The following ADGRV1 variants were observed in gnomAD, a reference collection of about 807,000 sequenced individuals.
The protein encoded by ADGRV1 is adhesion G protein-coupled receptor V1, also known as G-protein coupled receptor 98.
Under a neutral mutation model 596.2 loss-of-function variants are expected in ADGRV1, and 359 were observed. That is an observed-to-expected ratio of 0.60 (90% CI 0.55 to 0.66). The LOEUF (loss-of-function observed/expected upper bound fraction) is 0.66, where lower values mean the gene tolerates loss of function less well. ADGRV1 is among the 30% of genes least tolerant of loss of function. The pLI, the probability that ADGRV1 is intolerant of heterozygous loss-of-function variation, is 0.00. For synonymous variants in ADGRV1, 2,681 were observed against 2,679.2 expected, an observed-to-expected ratio of 1.00 and a Z score of -0.02; for missense variants, 7,274 against 7,575.6, an observed-to-expected ratio of 0.96 and a Z score of 1.48.
intron 85 of ADGRV1, among the ~76,000 whole-genome samples, chr5:91,032,831 T>A: frequency 6.6e-6 from 1 of 152,212 alleles, no homozygotes; most frequent in South Asian, 2.1e-4. Flanking sequence ...TGAGCCTTTT[T>A]AAATCTCTAT....
intron 83 of ADGRV1, among the ~76,000 whole-genome samples, chr5:90,918,850 A>G (rs1773617997): frequency 6.6e-6 from 1 of 152,210 alleles, no homozygotes; most frequent in Non-Finnish European, 1.5e-5. Context: ...TACACCAGCC[A>G]TAGGGGTCTT....
rs542157064 is a variant in ADGRV1 at position 90,885,268 on chromosome 5, G to A, written c.17856+21411G>A. Among the ~76,000 whole-genome samples the A allele has an allele frequency of 1.3e-4, 20 of 152,268 alleles. No homozygotes were observed. The South Asian group carries it at 4.1e-3, about 32-fold the overall frequency. ...CATAACAAGAAATCAGCTTTCTGAA[G>A]CAATTAATAATCTCTTGGCAGTCTT... is the stretch of plus-strand genomic sequence containing the variant. On this transcript the variant is annotated intron_variant, in intron 83 of 89. Transcript: ENST00000405460.
intron 86 of ADGRV1, among the ~76,000 whole-genome samples, chr5:91,087,880 G>A (rs1055192436): frequency 6.6e-6 from 1 of 152,132 alleles, no homozygotes; most frequent in African/African-American, 2.4e-5. Flanking sequence ...CAGAGTCCAT[G>A]CTTTTAATCA....
intron 83 of ADGRV1, chr5:90,899,311 T>C (rs1362998118): frequency 1.3e-5 from 2 of 152,192 alleles, no homozygotes; most frequent in Admixed American, 1.3e-4. Context: ...GAGGATACAC[T>C]GCTGGATCCC....
chr5:90,781,462 T>C lies in ADGRV1; in HGVS notation c.13115T>C (p.Leu4372Pro). ...GATTTTACCATTCAAGAAAATGGAC[T>C]TCAGATAGATCAACCTCCTGAAATA... is the stretch of plus-strand genomic sequence containing the variant. ...GYDFTIQENG[L>P]QIDQPPEIGN... The change falls in exon 65 of 90, where the codon CTT becomes CCT. Residue 4372 changes from leucine (L) to proline (P), a missense_variant. Physicochemically the swap from Leu to Pro is moderately conservative, Grantham distance 98. Coordinates refer to ENST00000405460, the MANE Select transcript of ADGRV1 (RefSeq NM_032119.4). 1 of 1,608,526 alleles carries C rather than the reference T, an allele frequency of 6.2e-7. No individual in the cohort carries two copies. The highest frequency in any genetic ancestry group is 1.3e-5 in the African/African-American group (1 of 74,958).
At chr5:90,681,814 CTCCCTCCCTCACTCCG>C (rs1248403774) in intron 27 of ADGRV1, among the ~76,000 whole-genome samples, 6 of 144,808 alleles carry the variant, frequency 4.1e-5, no homozygotes, top group Middle Eastern at 7.0e-3. Context: ...TCCTCCCTCC[CTCCCTCCCTCACTCCG>C]TCCCTCCCTC....
intron 83 of ADGRV1, among the ~76,000 whole-genome samples, chr5:90,870,967 T>G (rs951112946): frequency 2.6e-5 from 4 of 152,218 alleles, no homozygotes; most frequent in Admixed American, 6.5e-5. Context: ...GCACCTAACT[T>G]AATCACCTTA....
chr5:91,087,463 ATTTT>A (rs556983309), intron 86 of ADGRV1, among the ~76,000 whole-genome samples: 1 of 143,474 alleles, frequency 7.0e-6, no homozygotes, highest in Non-Finnish European at 1.5e-5. Flanking sequence ...TGCCCGGCTA[ATTTT>A]TTTTTTTTTT....
Position 90,750,294 on chromosome 5 carries a change from A to G in ADGRV1, c.10975-257A>G, listed in dbSNP as rs547195992. On this transcript the variant is annotated intron_variant, in intron 52 of 89. Coordinates refer to ENST00000405460, the MANE Select transcript of ADGRV1 (RefSeq NM_032119.4). ...GTTCACTGAACAAAATTTGAAAAAT[A>G]TAGAAACAGAAACATAAAATAATCC... 1.8e-4 allele frequency among the ~76,000 whole-genome samples: 27 copies of G among 152,376 alleles called. 1 individual carries two copies. The highest frequency in any genetic ancestry group is 6.5e-4 in the African/African-American group (27 of 41,592).
intron 21 of ADGRV1, among the ~76,000 whole-genome samples, chr5:90,658,897 G>T (rs1192480352): frequency 2.0e-5 from 3 of 152,154 alleles, no homozygotes; most frequent in African/African-American, 7.2e-5. Flanking sequence ...CAGGTGTTCT[G>T]TGTGACAGCA....
At chr5:90,728,636 A>G (rs746694104) in intron 48 of ADGRV1, 33 bp from the exon 49 acceptor site, 10 of 1,574,974 alleles carry the variant, frequency 6.3e-6, no homozygotes, top group Middle Eastern at 1.7e-4. Flanking sequence ...ATTCCTAGTC[A>G]TAAAGGGTTT....
chr5:90,694,993 G>A (rs1390156634), intron 33 of ADGRV1, among the ~76,000 whole-genome samples: 1 of 152,080 alleles, frequency 6.6e-6, no homozygotes, highest in Non-Finnish European at 1.5e-5. Context: ...AAGCACAGAG[G>A]AAACTATAAG....
chr5:90,671,094 G>A (rs1024651682), intron 21 of ADGRV1, among the ~76,000 whole-genome samples: 1 of 152,306 alleles, frequency 6.6e-6, no homozygotes, highest in Non-Finnish European at 1.5e-5. Flanking sequence ...CAGGCACAGT[G>A]CTGGCTTAAG....
intron 84 of ADGRV1, among the ~76,000 whole-genome samples, chr5:90,972,961 T>A (rs1779191635): frequency 6.6e-6 from 1 of 151,982 alleles, no homozygotes; most frequent in Non-Finnish European, 1.5e-5. Flanking sequence ...CTAGCAAGAC[T>A]AATAAAGAAG....
At position 90,651,670 on chromosome 5, in the gene ADGRV1, G is replaced by A. The variant is rs766454798; in HGVS notation, c.3356G>A (p.Gly1119Asp). The change falls in exon 18 of 90, where the codon GGC (glycine) becomes GAC (aspartate). Residue 1119 changes from glycine to aspartate, a missense_variant. Coordinates refer to ENST00000405460, the MANE Select transcript of ADGRV1 (RefSeq NM_032119.4). ...VIIEANDDPN[G>D]IFSLEPIDKA... ...ATTGAAGCTAATGATGACCCAAATG[G>A]CATTTTTTCTCTGGAGCCCATAGAC... 1.2e-6 allele frequency: 2 copies of A among 1,612,516 alleles called. No homozygotes were observed. The highest frequency in any genetic ancestry group is 1.1e-5 in the South Asian group (1 of 90,962).
intron 45 of ADGRV1, among the ~76,000 whole-genome samples, chr5:90,724,354 C>T (rs937646937): frequency 1.2e-4 from 18 of 152,192 alleles, no homozygotes; most frequent in African/African-American, 3.6e-4. Context: ...CTCAGCCATC[C>T]GAGTAGCTGG....
intron 87 of ADGRV1, among the ~76,000 whole-genome samples, chr5:91,108,493 A>G (rs1185111182): frequency 2.0e-5 from 3 of 152,126 alleles, no homozygotes; most frequent in South Asian, 2.1e-4. Flanking sequence ...TGGTATTTGT[A>G]TAGTATTCTG....
chr5:91,009,602 A>G (rs1048489945), intron 85 of ADGRV1, among the ~76,000 whole-genome samples: 9 of 152,156 alleles, frequency 5.9e-5, no homozygotes, highest in Admixed American at 1.3e-4. Context: ...CCAGATAATG[A>G]AAAATAATTG....
intron 83 of ADGRV1, among the ~76,000 whole-genome samples, chr5:90,963,090 G>A (rs753606115): frequency 2.6e-5 from 4 of 152,060 alleles, no homozygotes; most frequent in African/African-American, 2.4e-5. Context: ...ACAAAACTAC[G>A]AAGTAAACTT....
Sources: gnomAD v4.1 joint callset for allele counts (sites outside exome capture counted in the v4.1 genomes callset) on GRCh38, gnomAD v4.1.1 for gene constraint, MANE v1.5 for transcripts, NCBI Gene and HGNC (gene_info 2026-07-23, HGNC 2026-07-21) for gene names.